PCDHA8: variants seen among roughly 807,000 people sequenced by gnomAD.
PCDHA8 encodes the protein protocadherin alpha-8.
In PCDHA8, 53 loss-of-function variants were observed where a neutral mutation model predicts 61.8. The ratio of observed to expected loss-of-function variants is 0.86; its 90% CI spans 0.69 to 1.08. The LOEUF (loss-of-function observed/expected upper bound fraction) is 1.08, where lower values mean the gene tolerates loss of function less well. PCDHA8 is among the 50% of genes least tolerant of loss of function. PCDHA8 has a pLI of 0.00. For synonymous variants in PCDHA8, 618 were observed against 556.6 expected, an observed-to-expected ratio of 1.11 and a Z score of -1.55; for missense variants, 1,293 against 1,245.0, an observed-to-expected ratio of 1.04 and a Z score of -0.58.
Position 140,871,139 on chromosome 5 carries a change from C to T in PCDHA8, c.2394+27424C>T, listed in dbSNP as rs782085001. 8 of 1,613,312 alleles carry T rather than the reference C, an allele frequency of 5.0e-6. No individual in the cohort carries two copies. The African/African-American group carries it at 6.7e-5, about 13-fold the overall frequency. On this transcript the variant is annotated intron_variant, in intron 1 of 3. Coordinates refer to ENST00000531613, the MANE Select transcript of PCDHA8 (RefSeq NM_018911.3). ...AGCGGACAGGCGCCAAAGGCCTCTTCCCGGACTTTGGCGGGCGCCGCGAGC... is the reference window on the plus strand; with the variant it reads ...AGCGGACAGGCGCCAAAGGCCTCTTTCCGGACTTTGGCGGGCGCCGCGAGC...
intron 1 of PCDHA8, among the ~76,000 whole-genome samples, chr5:140,976,067 T>C (rs1554237245): frequency 6.6e-6 from 1 of 152,218 alleles, no homozygotes; most frequent in Non-Finnish European, 1.5e-5. Flanking sequence ...ATATATGTCT[T>C]ACTGTGTCAG....
chr5:140,871,046 T>C, intron 1 of PCDHA8: 1 of 1,613,310 alleles, frequency 6.2e-7, no homozygotes, highest in Non-Finnish European at 8.5e-7. Context: ...CGACTTCTAG[T>C]ACTGGTGAAG....
Position 140,848,412 on chromosome 5 carries a change from A to G in PCDHA8, c.2394+4697A>G. ...CTCTGTGCTGAACGATGGCGAACAC[A>G]GCAGAATGGGACTGACGAAATCAGA... On this transcript the variant is annotated intron_variant, in intron 1 of 3. Coordinates refer to ENST00000531613, the MANE Select transcript of PCDHA8 (RefSeq NM_018911.3). 2 of 1,379,818 alleles carry G rather than the reference A, an allele frequency of 1.4e-6. 1 individual carries two copies. Among genetic ancestry groups the G allele is most frequent in the Non-Finnish European group, 2.0e-6 (2 of 1,001,964 alleles). 85.5% of individuals were successfully genotyped at this position (1,379,818 alleles called of 1,614,324 possible).
At chr5:140,884,071 G>C (rs1425122045) in intron 1 of PCDHA8, 7 of 1,613,400 alleles carry the variant, frequency 4.3e-6, no homozygotes, top group African/African-American at 2.7e-5. Context: ...ACGCCGATTC[G>C]GGCTACAATG....
At position 140,978,793 on chromosome 5, in the gene PCDHA8, A is replaced by G. The variant is rs1241254692; in HGVS notation, c.2395-156A>G. 4.1e-6 allele frequency: 4 copies of G among 977,674 alleles called. No individual in the cohort carries two copies. In the African/African-American group the frequency reaches 7.0e-5, roughly 17 times the overall value. The allele number at this position is 977,674 out of a possible 1,614,324, so 60.6% of individuals were successfully genotyped here. On this transcript the variant is annotated intron_variant, in intron 1 of 3. Coordinates refer to ENST00000531613, the MANE Select transcript of PCDHA8 (RefSeq NM_018911.3). ...CTAATTTTCTTCTAAAGTGCTATAT[A>G]TGTAGATATCATCATAGAGTTACAC... is the stretch of plus-strand genomic sequence containing the variant.
At chr5:140,934,511 T>C (rs999288213) in intron 1 of PCDHA8, among the ~76,000 whole-genome samples, 1 of 152,210 alleles carries the variant, frequency 6.6e-6, no homozygotes, top group East Asian at 1.9e-4. Context: ...AAAGGGTCCA[T>C]AGACCACACT....
intron 1 of PCDHA8, among the ~76,000 whole-genome samples, chr5:140,941,011 C>T (rs1554213684): frequency 6.6e-6 from 1 of 152,124 alleles, no homozygotes; most frequent in African/African-American, 2.4e-5. Context: ...TTTTCCTTTC[C>T]TATTTTCCTT....
chr5:140,925,124 A>AGGAAGGAAGGAAGGAAGGAAGGAAGG, intron 1 of PCDHA8, among the ~76,000 whole-genome samples: 1 of 151,856 alleles, frequency 6.6e-6, no homozygotes, highest in Non-Finnish European at 1.5e-5. Flanking sequence ...GAAGGAAGGA[A>AGGAAGGAAGGAAGGAAGGAAGGAAGG]AAAAAATTTC....
chr5:140,860,055 A>C (rs1466399941), intron 1 of PCDHA8: 6 of 151,228 alleles, frequency 4.0e-5, no homozygotes, highest in Admixed American at 3.3e-4. Flanking sequence ...TTGAGAGGCC[A>C]AGGTGGGAGG....
intron 1 of PCDHA8, among the ~76,000 whole-genome samples, chr5:140,880,655 G>A (rs782616371): frequency 6.6e-6 from 1 of 152,186 alleles, no homozygotes; most frequent in African/African-American, 2.4e-5. Context: ...CCCAACTGAG[G>A]TAAAGGTGAG....
intron 1 of PCDHA8, among the ~76,000 whole-genome samples, chr5:140,938,831 A>G (rs782069247): frequency 2.0e-5 from 3 of 152,118 alleles, no homozygotes; most frequent in Non-Finnish European, 4.4e-5. Flanking sequence ...AGTTTGCGTT[A>G]TAACAAACCT....
intron 1 of PCDHA8, chr5:140,859,072 G>T (rs1168323371): frequency 6.6e-6 from 1 of 150,540 alleles, no homozygotes; most frequent in African/African-American, 2.4e-5. Flanking sequence ...AGTTGTAGTG[G>T]TACCTGTGTC....
chr5:140,883,242 A>C (rs1562785855), intron 1 of PCDHA8: 2 of 1,614,066 alleles, frequency 1.2e-6, no homozygotes, highest in Non-Finnish European at 1.7e-6. Context: ...GCAGTTGACA[A>C]AGGAAATATT....
At chr5:140,988,414 T>C (rs1554250128) in intron 3 of PCDHA8, among the ~76,000 whole-genome samples, 1 of 152,194 alleles carries the variant, frequency 6.6e-6, no homozygotes. Flanking sequence ...GCAGCTTATG[T>C]AAAGAATTTG....
At chr5:140,986,862 G>A (rs1441287999) in intron 3 of PCDHA8, among the ~76,000 whole-genome samples, 2 of 152,068 alleles carry the variant, frequency 1.3e-5, no homozygotes, top group East Asian at 1.9e-4. Flanking sequence ...AACAATACCC[G>A]GAAACTTGTT....
intron 1 of PCDHA8, chr5:140,870,409 G>A (rs2051982376): frequency 1.9e-6 from 3 of 1,614,226 alleles, no homozygotes; most frequent in African/African-American, 1.3e-5. Context: ...TTCTCTGTGG[G>A]CCACGGCCAG....
chr5:140,878,047 G>A lies in PCDHA8; in HGVS notation c.2394+34332G>A, dbSNP rs574540860. On this transcript the variant is annotated intron_variant, in intron 1 of 3. Transcript: ENST00000531613. Reference sequence around the variant, plus strand: ...ATGTAGGTACAATGGAGGCCATGGAGCACCACACTTAATATTTTTCTTTTT... The same window carrying A: ...ATGTAGGTACAATGGAGGCCATGGAACACCACACTTAATATTTTTCTTTTT... The A allele has an allele frequency of 1.7e-4, 84 of 491,464 alleles. No homozygotes were observed. In the South Asian group the frequency reaches 4.9e-3, roughly 29 times the overall value. 30.4% of individuals were successfully genotyped at this position (491,464 alleles called of 1,614,324 possible).
At position 140,868,760 on chromosome 5, in the gene PCDHA8, T is replaced by A. The variant is rs554040026; in HGVS notation, c.2394+25045T>A. On this transcript the variant is annotated intron_variant, in intron 1 of 3. Transcript: ENST00000531613. ...AATACAATGCCATTTCCATATATATTTAGTTTCAATATGACTTATAATCTG... is the reference window on the plus strand; with the variant it reads ...AATACAATGCCATTTCCATATATATATAGTTTCAATATGACTTATAATCTG... The A allele has an allele frequency of 3.0e-3, 699 of 232,214 alleles. 6 individuals carry two copies. The highest frequency in any genetic ancestry group is 0.014 in the African/African-American group (640 of 44,274). The allele number at this position is 232,214 out of a possible 1,614,324, so 14.4% of individuals were successfully genotyped here.
chr5:140,928,411 A>G, intron 1 of PCDHA8: 2 of 1,614,066 alleles, frequency 1.2e-6, no homozygotes, highest in Non-Finnish European at 1.7e-6. Context: ...CAGTGGGGCC[A>G]TCACTGCCAA....
Sources: gnomAD v4.1 joint callset for allele counts (sites outside exome capture counted in the v4.1 genomes callset) on GRCh38, gnomAD v4.1.1 for gene constraint, MANE v1.5 for transcripts, NCBI Gene and HGNC (gene_info 2026-07-23, HGNC 2026-07-21) for gene names.